PELP1: variants seen among roughly 807,000 people sequenced by gnomAD.
The protein encoded by PELP1 is proline-, glutamic acid- and leucine-rich protein 1.
PELP1 carries 32 observed loss-of-function variants against 95.5 expected under a neutral mutation model. The ratio of observed to expected loss-of-function variants is 0.34; its 90% CI spans 0.25 to 0.45. The LOEUF (loss-of-function observed/expected upper bound fraction) is 0.45. Ranked by LOEUF, PELP1 falls within the 20% of genes least tolerant of loss-of-function variation. The pLI is 1.00. For synonymous variants in PELP1, 668 were observed against 600.1 expected (o/e 1.11, Z -1.65); for missense variants, 1,358 against 1,444.8 (o/e 0.94, Z 0.97).
At position 4,672,889 on chromosome 17, in the gene PELP1, C is replaced by A. The variant is rs922844974; in HGVS notation, c.2102G>T (p.Gly701Val). 5.0e-6 allele frequency: 8 copies of A among 1,613,142 alleles called. No individual in the cohort carries two copies. The highest frequency in any genetic ancestry group is 1.7e-5 in the Admixed American group (1 of 59,886). The change falls in exon 16 of 17, where the codon GGA (glycine) becomes GTA (valine). Residue 701 changes from glycine (G) to valine (V), a missense_variant. Physicochemically the swap from Gly to Val is moderately radical, Grantham distance 109. Transcript: ENST00000572293. ...TAGGTGGTTGGCTGTGGTGGGAGGT[C>A]CAGGGCGTGCCGAGGGCACAGGGCC... ...SAGPVPSARP[G>V]PPTTANHLGL... is the part of the protein sequence containing the mutation.
At chr17:4,696,754 GA>G (rs1913314016) in intron 1 of PELP1, 1 of 152,174 alleles carries the variant, frequency 6.6e-6, no homozygotes, top group Admixed American at 6.5e-5. Context: ...TCAAAATCAG[GA>G]AGTACTGTGA....
intron 3 of PELP1, among the ~76,000 whole-genome samples, chr17:4,685,861 C>A (rs56237051): frequency 6.6e-6 from 1 of 151,174 alleles, no homozygotes; most frequent in Non-Finnish European, 1.5e-5. Flanking sequence ...CTTTGGAAGG[C>A]CAAGGTGGGT....
intron 4 of PELP1, 25 bp downstream of exon 4, chr17:4,682,778 G>C (rs2150558057): frequency 1.3e-6 from 2 of 1,546,608 alleles, no homozygotes; most frequent in Non-Finnish European, 1.7e-6. Context: ...GGGGCCATGG[G>C]GAAGGGTCCA....
intron 1 of PELP1, among the ~76,000 whole-genome samples, chr17:4,701,481 C>T (rs1913533649): frequency 2.0e-5 from 3 of 152,198 alleles, no homozygotes; most frequent in Admixed American, 6.5e-5. Flanking sequence ...GTGTGGGGAA[C>T]GGATTACAGA....
Position 4,674,799 on chromosome 17 carries a change from G to A in PELP1, c.1422+10C>T, listed in dbSNP as rs903518771. The A allele has an allele frequency of 6.2e-7, 1 of 1,605,924 alleles. No homozygotes were observed. The highest frequency in any genetic ancestry group is 1.3e-5 in the African/African-American group (1 of 74,878). On this transcript the variant is annotated intron_variant, in intron 12 of 16. Transcript: ENST00000572293. ...GGATGAGTCCTAAGGCGGAGCTGAG[G>A]CCTCCTCACCTTAAGGGCATCAGCT...
intron 1 of PELP1, among the ~76,000 whole-genome samples, chr17:4,700,197 G>A (rs965556179): frequency 1.2e-4 from 19 of 152,042 alleles, no homozygotes; most frequent in Middle Eastern, 3.2e-3. Flanking sequence ...GAGCCATCAC[G>A]CCTGGCCGAG....
chr17:4,683,376 A>G (rs528211445), intron 3 of PELP1, among the ~76,000 whole-genome samples: 1 of 151,330 alleles, frequency 6.6e-6, no homozygotes, highest in South Asian at 2.1e-4. Context: ...GCCCGCCACC[A>G]CGCCTGACTA....
chr17:4,700,653 G>A (rs909456698), intron 1 of PELP1, among the ~76,000 whole-genome samples: 2 of 152,052 alleles, frequency 1.3e-5, no homozygotes, highest in South Asian at 4.1e-4. Context: ...AGCTGAGCAC[G>A]GTGGTTCACC....
Position 4,672,191 on chromosome 17 carries a change from C to G in PELP1, c.2800G>C (p.Glu934Gln), listed in dbSNP as rs751974416. Residue 934 changes from glutamate to glutamine, a missense_variant, in exon 16 of 17, where the codon GAA (glutamate) becomes CAA (glutamine). Around this residue, in one of 7 missense-constraint regions of PELP1, gnomAD observed 283 missense variants for 284.1 expected, o/e 1.00. Coordinates refer to ENST00000572293, the MANE Select transcript of PELP1 (RefSeq NM_014389.3). ...AACTCACCTTCTTCTTCCTCAAATT[C>G]TTCCTCAAACTCTTCTTCCTCCTCT... is the stretch of plus-strand genomic sequence containing the variant. ...EEEEEEEFEE[E>Q]FEEEEGELEE... 2 of 1,552,304 alleles carry G rather than the reference C, an allele frequency of 1.3e-6. No homozygotes were observed. The highest frequency in any genetic ancestry group is 2.4e-5 in the South Asian group (2 of 84,070).
rs761686413 is a variant in PELP1 at position 4,682,846 on chromosome 17, T to C, written c.527A>G (p.His176Arg). The change falls in exon 4 of 17, where the codon CAC becomes CGC. Residue 176 changes from histidine (H) to arginine (R), a missense_variant. By Grantham distance (29) the His-to-Arg change is conservative. Coordinates refer to ENST00000572293, the MANE Select transcript of PELP1 (RefSeq NM_014389.3). ...PALFRDISMN[H>R]LPGLLTSLLG... ...CAGGGAGGTGAGAAGGCCAGGGAGGTGGTTCATGGAGATGTCCCGGAACAG... is the reference window on the plus strand; with the variant it reads ...CAGGGAGGTGAGAAGGCCAGGGAGGCGGTTCATGGAGATGTCCCGGAACAG... The C allele has an allele frequency of 8.1e-6, 13 of 1,599,092 alleles. No individual in the cohort carries two copies. The highest frequency in any genetic ancestry group is 9.4e-6 in the Non-Finnish European group (11 of 1,173,862).
rs60403748 is a variant in PELP1 at position 4,698,008 on chromosome 17, G to GT, written c.249+5854dup. ...AAGAATGACACATCATTTCTGCAAG[G>GT]TTTTTTTTTTTTTTTTTTGTAGAGA... is the stretch of plus-strand genomic sequence containing the variant. On this transcript the variant is annotated intron_variant, in intron 1 of 16. Coordinates refer to ENST00000572293, the MANE Select transcript of PELP1 (RefSeq NM_014389.3). 5.8e-3 allele frequency among the ~76,000 whole-genome samples: 775 copies of GT among 133,580 alleles called. 13 individuals carry two copies. Among genetic ancestry groups the GT allele is most frequent in the African/African-American group, 0.012 (447 of 35,876 alleles). The allele number at this position is 133,580 out of a possible 152,430, so 87.6% of individuals were successfully genotyped here. A position where few individuals can be genotyped will look rare whatever the true frequency, so the allele number is the denominator to read the frequency against.
intron 1 of PELP1, among the ~76,000 whole-genome samples, chr17:4,703,112 A>G (rs1002816009): frequency 1.3e-5 from 2 of 152,136 alleles, no homozygotes; most frequent in South Asian, 4.1e-4. Context: ...AAGGCTCCTA[A>G]CCCGGCCTAA....
At chr17:4,703,348 C>A (rs1908998441) in intron 1 of PELP1, among the ~76,000 whole-genome samples, 1 of 152,138 alleles carries the variant, frequency 6.6e-6, no homozygotes, top group African/African-American at 2.4e-5. Context: ...ACGCCGGTTT[C>A]TTTGGAAAAA....
intron 5 of PELP1, among the ~76,000 whole-genome samples, chr17:4,680,340 C>T (rs1270907846): frequency 1.3e-5 from 2 of 152,044 alleles, no homozygotes; most frequent in African/African-American, 2.4e-5. Flanking sequence ...TACAGTGGTG[C>T]GATCTCGGCT....
chr17:4,695,247 G>A (rs868147433), intron 1 of PELP1, among the ~76,000 whole-genome samples: 1 of 150,338 alleles, frequency 6.7e-6, no homozygotes, highest in African/African-American at 2.5e-5. Context: ...GCTTGAACCC[G>A]GGAGGCAGAG....
chr17:4,688,845 A>C (rs780858892), intron 3 of PELP1, among the ~76,000 whole-genome samples: 2 of 152,210 alleles, frequency 1.3e-5, no homozygotes, highest in African/African-American at 2.4e-5. Flanking sequence ...TCGAAAAAAC[A>C]ATCCAAAAAT....
rs368773740 is a variant in PELP1, at chr17:4,674,532, G to A, written c.1560C>T (p.Asp520=). ...CACCTCTGAGTGCAGCCGCACACAC[G>A]TCGCTGTTGGCATTGCTATCCCCTT... is the stretch of plus-strand genomic sequence containing the variant. The part of the protein sequence containing the change: ...HRKGDSNANS[D]VCAAALRGLS... The change falls in exon 13 of 17, where the codon GAC becomes GAT. Residue 520 remains aspartate, a synonymous_variant. Coordinates refer to ENST00000572293, the MANE Select transcript of PELP1 (RefSeq NM_014389.3). 16 of 1,613,142 alleles carry A rather than the reference G, an allele frequency of 9.9e-6. No homozygotes were observed. The highest frequency in any genetic ancestry group is 4.4e-5 in the South Asian group (4 of 91,018).
At chr17:4,680,050 C>A (rs934236843) in intron 5 of PELP1, among the ~76,000 whole-genome samples, 2 of 152,220 alleles carry the variant, frequency 1.3e-5, no homozygotes, top group Non-Finnish European at 2.9e-5. Context: ...TTTACAATTA[C>A]CAGATAATAT....
In PELP1 at chr17:4,676,759, G is replaced by C. The variant is rs753233576; in HGVS notation, c.696C>G (p.Leu232=). The change falls in exon 6 of 17, where the codon CTC becomes CTG. Residue 232 remains leucine (L), a synonymous_variant. Transcript: ENST00000572293. ...CTCCCTCCCTGCCCTTTACCTGTTG[G>C]AGCTGAGGGCTCAAGGCATCCACCC... is the stretch of plus-strand genomic sequence containing the variant. ...LSRVDALSPQ[L]QQLACECYSR... The C allele has an allele frequency of 9.1e-5, 142 of 1,568,426 alleles. No individual in the cohort carries two copies. The highest frequency in any genetic ancestry group is 1.1e-4 in the Non-Finnish European group (131 of 1,156,276).
Sources: gnomAD v4.1 joint callset for allele counts (sites outside exome capture counted in the v4.1 genomes callset) on GRCh38, gnomAD v4.1.1 for gene constraint, gnomAD v4.1.1 regional missense constraint, MANE v1.5 for transcripts, NCBI Gene and HGNC (gene_info 2026-07-23, HGNC 2026-07-21) for gene names.